GALNT10: variants seen among roughly 807,000 people sequenced by gnomAD.
GALNT10 encodes the protein polypeptide N-acetylgalactosaminyltransferase 10, also known as GalNAc transferase 10.
Under a neutral mutation model 75.0 loss-of-function variants are expected in GALNT10, and 41 were observed. The observed-to-expected ratio is 0.55, with a 90% CI of 0.43 to 0.71. The LOEUF is 0.71. Among genes scored for constraint, GALNT10 ranks in the 30% least tolerant of loss-of-function variants. GALNT10 has a pLI of 0.00. For synonymous variants in GALNT10, 302 were observed against 313.0 expected (o/e 0.96, Z 0.37); for missense variants, 727 against 818.5 (o/e 0.89, Z 1.36).
At chr5:154,372,464 G>A (rs35308999) in intron 4 of GALNT10, among the ~76,000 whole-genome samples, 5,658 of 152,228 alleles carry the variant, frequency 0.037, 155 homozygotes, top group African/African-American at 0.074. Context: ...TCTGAGTTTG[G>A]GTTTTCTGAA....
chr5:154,381,049 G>T (rs1274087734), intron 6 of GALNT10, among the ~76,000 whole-genome samples: 3 of 152,142 alleles, frequency 2.0e-5, no homozygotes, highest in Non-Finnish European at 2.9e-5. Flanking sequence ...TTTCCAAATG[G>T]GGACACCAAT....
intron 1 of GALNT10, among the ~76,000 whole-genome samples, chr5:154,249,417 T>A (rs1429334302): frequency 2.0e-5 from 3 of 152,120 alleles, no homozygotes; most frequent in Non-Finnish European, 4.4e-5. Flanking sequence ...CCAGAGGGCA[T>A]TCAGTCCAAG....
chr5:154,370,426 T>G (rs532157624), intron 4 of GALNT10, among the ~76,000 whole-genome samples: 5 of 152,254 alleles, frequency 3.3e-5, no homozygotes, highest in African/African-American at 1.2e-4. Context: ...CTGCTGTGGT[T>G]TGGGTACATC....
chr5:154,217,947 G>T, intron 1 of GALNT10: 1 of 887,818 alleles, frequency 1.1e-6, no homozygotes, highest in Non-Finnish European at 1.3e-6. Context: ...CTCCCTGATT[G>T]GACCTGAATA....
chr5:154,319,420 G>A (rs1238637409), intron 3 of GALNT10, among the ~76,000 whole-genome samples: 1 of 152,114 alleles, frequency 6.6e-6, no homozygotes, highest in African/African-American at 2.4e-5. Context: ...GATCACTTTT[G>A]AAATTTTTAA....
chr5:154,235,750 A>G (rs1753235562), intron 1 of GALNT10, among the ~76,000 whole-genome samples: 1 of 152,160 alleles, frequency 6.6e-6, no homozygotes, highest in South Asian at 2.1e-4. Context: ...ATTTTTGTCT[A>G]GCTATTCCCG....
chr5:154,263,657 C>T (rs1753734057), intron 1 of GALNT10, among the ~76,000 whole-genome samples: 1 of 152,074 alleles, frequency 6.6e-6, no homozygotes, highest in Admixed American at 6.6e-5. Flanking sequence ...TGATGAGGGC[C>T]CGCTTTCTAG....
rs143788169 is a variant in GALNT10, at chr5:154,236,708, A to G, written c.159+45683A>G. 2.0e-5 allele frequency among the ~76,000 whole-genome samples: 3 copies of G among 152,334 alleles called. No homozygotes were observed. The East Asian group carries it at 5.8e-4, about 29-fold the overall frequency. On this transcript the variant is annotated intron_variant, in intron 1 of 11. Transcript: ENST00000297107. ...CATTAGCTGTCACTTTTGAGTATTT[A>G]TGATCTTGCGGTTGGAGCACTTTGA... is the stretch of plus-strand genomic sequence containing the variant.
intron 4 of GALNT10, among the ~76,000 whole-genome samples, chr5:154,365,989 T>G (rs1755468729): frequency 3.3e-5 from 5 of 152,198 alleles, no homozygotes; most frequent in Admixed American, 3.3e-4. Flanking sequence ...TGCACTGACT[T>G]GTCCAGGAAG....
At chr5:154,321,171 T>G (rs772903910) in intron 3 of GALNT10, among the ~76,000 whole-genome samples, 6 of 152,214 alleles carry the variant, frequency 3.9e-5, no homozygotes, top group Non-Finnish European at 5.9e-5. Context: ...CAATCCACTA[T>G]ACGTTTTGAT....
rs571423048 is a variant in GALNT10 at position 154,296,303 on chromosome 5, C to A, written c.262+1385C>A. Among the ~76,000 whole-genome samples, 21 of 152,266 alleles carry A rather than the reference C, an allele frequency of 1.4e-4. No individual in the cohort carries two copies. In the South Asian group the frequency reaches 4.1e-3, roughly 30 times the overall value. On this transcript the variant is annotated intron_variant, in intron 2 of 11. Coordinates refer to ENST00000297107, the MANE Select transcript of GALNT10 (RefSeq NM_198321.4). ...TGGAGTTGGGGTTTCGCTATGTTGGCCAGGCTGGTCTCGAACTCCTGGCCT... is the reference window on the plus strand; with the variant it reads ...TGGAGTTGGGGTTTCGCTATGTTGGACAGGCTGGTCTCGAACTCCTGGCCT...
chr5:154,204,780 A>G (rs1175060999), intron 1 of GALNT10, among the ~76,000 whole-genome samples: 2 of 152,218 alleles, frequency 1.3e-5, no homozygotes, highest in East Asian at 3.8e-4. Flanking sequence ...CCACTCTGCG[A>G]CTTGATCAAC....
intron 1 of GALNT10, among the ~76,000 whole-genome samples, chr5:154,199,381 A>C (rs919654664): frequency 2.6e-5 from 4 of 152,038 alleles, no homozygotes; most frequent in Non-Finnish European, 5.9e-5. Context: ...GTGCTTCAGG[A>C]CCCGCCCTTG....
chr5:154,203,884 A>G (rs1775065017), intron 1 of GALNT10, among the ~76,000 whole-genome samples: 1 of 152,174 alleles, frequency 6.6e-6, no homozygotes, highest in South Asian at 2.1e-4. Flanking sequence ...AGAATATTCC[A>G]GGTTTTTACA....
chr5:154,379,297 G>GT (rs921055772), intron 5 of GALNT10, among the ~76,000 whole-genome samples: 1 of 152,156 alleles, frequency 6.6e-6, no homozygotes, highest in Non-Finnish European at 1.5e-5. Context: ...ATTTAGTATT[G>GT]TTTTTTGGTT....
At chr5:154,307,884 T>A (rs73281513) in intron 3 of GALNT10, among the ~76,000 whole-genome samples, 22,461 of 150,860 alleles carry the variant, frequency 0.15, 1,829 homozygotes, top group Non-Finnish European at 0.18. Flanking sequence ...AGGTACACCC[T>A]GAGCAGGGTT....
At chr5:154,270,795 A>T (rs533724556) in intron 1 of GALNT10, among the ~76,000 whole-genome samples, 3 of 152,086 alleles carry the variant, frequency 2.0e-5, no homozygotes, top group Non-Finnish European at 4.4e-5. Flanking sequence ...GGCATTCAAG[A>T]GGAGCCTGGC....
In GALNT10 at chr5:154,409,365, A is replaced by G; in HGVS notation, c.1165-176A>G. The G allele has an allele frequency of 1.5e-6, 1 of 669,878 alleles. No homozygotes were observed. The highest frequency in any genetic ancestry group is 2.7e-6 in the Non-Finnish European group (1 of 371,608). The allele number at this position is 669,878 out of a possible 1,614,324, so 41.5% of individuals were successfully genotyped here. ...CAACTATAAGCTGTGAAGCCCTTAAAACATGCATAATGATAAATAGAAACA... is the reference window on the plus strand; with the variant it reads ...CAACTATAAGCTGTGAAGCCCTTAAGACATGCATAATGATAAATAGAAACA... On this transcript the variant is annotated intron_variant, in intron 8 of 11. Coordinates refer to ENST00000297107, the MANE Select transcript of GALNT10 (RefSeq NM_198321.4). This position sits in a 1 kb window ranked among gnomAD's most constrained non-coding sequence, Gnocchi z 4.5.
intron 1 of GALNT10, 78 bp downstream of exon 1, chr5:154,191,103 T>C: frequency 1.0e-6 from 1 of 989,330 alleles, no homozygotes; most frequent in Non-Finnish European, 1.4e-6. Flanking sequence ...TTCCTCCACC[T>C]TCTGCTGTCT....
Sources: gnomAD v4.1 joint callset for allele counts (sites outside exome capture counted in the v4.1 genomes callset) on GRCh38, gnomAD v4.1.1 for gene constraint, Gnocchi (gnomAD v3.1) non-coding constraint, MANE v1.5 for transcripts, NCBI Gene and HGNC (gene_info 2026-07-23, HGNC 2026-07-21) for gene names.